PSEN2: variants seen among roughly 807,000 people sequenced by gnomAD.
The protein encoded by PSEN2 is presenilin 2, also known as presenilin-2.
Under a neutral mutation model 49.1 loss-of-function variants are expected in PSEN2, and 32 were observed. The ratio of observed to expected loss-of-function variants is 0.65; its 90% CI spans 0.49 to 0.88. The LOEUF is 0.88. Among genes scored for constraint, PSEN2 ranks in the 40% least tolerant of loss-of-function variants. The pLI, the probability that PSEN2 is intolerant of heterozygous loss-of-function variation, is 0.00. For synonymous variants in PSEN2, 255 were observed against 244.0 expected (o/e 1.05, Z -0.42); for missense variants, 522 against 586.9 (o/e 0.89, Z 1.14).
chr1:226,899,143 A>G (rs1051913966), downstream of PSEN2: 9 of 152,040 alleles, frequency 5.9e-5, no homozygotes, highest in African/African-American at 1.5e-4. Flanking sequence ...TATTAAATCT[A>G]TCAGTTTTTT....
At chr1:226,882,969 T>G (rs940529579) in intron 4 of PSEN2, among the ~76,000 whole-genome samples, 12 of 152,146 alleles carry the variant, frequency 7.9e-5, no homozygotes, top group Middle Eastern at 3.2e-3. Flanking sequence ...TTGTTTCATT[T>G]GGCTTTTTCT....
intron 2 of PSEN2, among the ~76,000 whole-genome samples, chr1:226,871,668 A>G (rs1571929561): frequency 6.6e-6 from 1 of 152,202 alleles, no homozygotes; most frequent in Admixed American, 6.5e-5. Flanking sequence ...CTTGATTAGG[A>G]CCGACCCCAG....
rs558125621 is a variant in PSEN2, at chr1:226,882,139, G to T, written c.141+91G>T. The T allele has an allele frequency of 6.6e-6, 10 of 1,518,328 alleles. No individual in the cohort carries two copies. In the African/African-American group the frequency reaches 1.1e-4, roughly 17 times the overall value. 94.1% of individuals were successfully genotyped at this position (1,518,328 alleles called of 1,614,324 possible). On this transcript the variant is annotated intron_variant, in intron 4 of 12. Transcript: ENST00000366783. ...AAACCAGACATTCATTCCCTGATGC[G>T]GGAGGGAGAAGGGAAGTAATGATGA...
At chr1:226,896,285 A>G (rs1211662404), downstream of PSEN2, among the ~76,000 whole-genome samples, 2 of 152,230 alleles carry the variant, frequency 1.3e-5, no homozygotes, top group East Asian at 1.9e-4. Context: ...TTAGGAGAGC[A>G]GGGTGGCCTG....
rs1387034807 is a variant in PSEN2 at position 226,895,477 on chromosome 1, C to G, written c.1245C>G (p.Ala415=). ...LLAVFKKALP[A]LPISITFGLI... The stretch of plus-strand genomic sequence containing the variant: ...CTGTGTTCAAGAAGGCGCTGCCCGC[C>G]CTCCCCATCTCCATCACGTTCGGGC... The change falls in exon 13 of 13, where the codon GCC becomes GCG. Residue 415 remains alanine (A), a synonymous_variant. Coordinates refer to ENST00000366783, the MANE Select transcript of PSEN2 (RefSeq NM_000447.3). 4 of 1,613,942 alleles carry G rather than the reference C, an allele frequency of 2.5e-6. No homozygotes were observed. The African/African-American group carries it at 5.3e-5, about 22-fold the overall frequency.
At chr1:226,875,296 GTGAGCAGGGAAGC>G (rs1266944607) in intron 2 of PSEN2, 56 bp from the exon 3 acceptor site, 2 of 152,526 alleles carry the variant, frequency 1.3e-5, no homozygotes, top group African/African-American at 2.4e-5. Flanking sequence ...GGGGAGGAAG[GTGAGCAGGGAAGC>G]TGTGGGCAAT....
intron 3 of PSEN2, among the ~76,000 whole-genome samples, chr1:226,876,292 T>A (rs918269577): frequency 3.9e-5 from 6 of 152,204 alleles, no homozygotes; most frequent in Admixed American, 1.3e-4. Flanking sequence ...ATTCAGAGGG[T>A]AGCAGAAGTC....
downstream of PSEN2, chr1:226,899,195 C>T (rs1438832738): frequency 6.6e-6 from 1 of 152,126 alleles, no homozygotes. Flanking sequence ...TTAAGAGATC[C>T]TTCCCTACCC....
chr1:226,891,686 C>G (rs1481272209), intron 10 of PSEN2, 57 bp from the exon 11 acceptor site: 22 of 1,444,664 alleles, frequency 1.5e-5, no homozygotes, highest in Non-Finnish European at 1.2e-5. Flanking sequence ...TTGTTTCTCT[C>G]TCTTGTTGTC....
chr1:226,874,001 G>T (rs953499216), intron 2 of PSEN2, among the ~76,000 whole-genome samples: 51 of 152,098 alleles, frequency 3.4e-4, no homozygotes, highest in Non-Finnish European at 7.4e-5. Flanking sequence ...CCCATATGTG[G>T]GCACTCCCCA....
Position 226,880,638 on chromosome 1 carries a change from C to T in PSEN2, c.-20-1250C>T, listed in dbSNP as rs201378322. 170 of 1,535,382 alleles carry T rather than the reference C, an allele frequency of 1.1e-4. 1 individual carries two copies. Among genetic ancestry groups the T allele is most frequent in the Admixed American group, 3.1e-4 (17 of 54,406 alleles). Reference sequence around the variant, plus strand: ...ACAGCGATAACTCAGCCTCTGTCCCCGTCTGAGATGTTGGCAGGGACTGTC... The same window carrying T: ...ACAGCGATAACTCAGCCTCTGTCCCTGTCTGAGATGTTGGCAGGGACTGTC... On this transcript the variant is annotated intron_variant, in intron 3 of 12. Transcript: ENST00000366783.
rs776874000 is a variant in PSEN2, at chr1:226,891,814, C to G, written c.1042C>G (p.Pro348Ala). 12 of 1,614,128 alleles carry G rather than the reference C, an allele frequency of 7.4e-6. 1 individual carries two copies. In the East Asian group the frequency reaches 2.2e-4, roughly 30 times the overall value. The stretch of plus-strand genomic sequence containing the variant: ...CTTTGAGCCTCCCTTGACTGGCTAC[C>G]CAGGGGAGGAGCTGGAGGAAGAGGA... ...EVFEPPLTGY[P>A]GEELEEEEER... Residue 348 changes from proline (P) to alanine (A), a missense_variant, in exon 11 of 13, where the codon CCA becomes GCA. Physicochemically the swap from Pro to Ala is conservative, Grantham distance 27 (BLOSUM62 -1). Coordinates refer to ENST00000366783, the MANE Select transcript of PSEN2 (RefSeq NM_000447.3).
chr1:226,894,829 A>G (rs1200321493), intron 12 of PSEN2, among the ~76,000 whole-genome samples: 1 of 152,192 alleles, frequency 6.6e-6, no homozygotes, highest in African/African-American at 2.4e-5. Context: ...GCCCACAAGT[A>G]TATCAGGGAT....
chr1:226,889,101 A>C, intron 8 of PSEN2, 52 bp downstream of exon 8: 2 of 1,517,974 alleles, frequency 1.3e-6, no homozygotes, highest in Non-Finnish European at 1.8e-6. Flanking sequence ...TCCAGGGCCA[A>C]ATCGTCCCCA....
intron 4 of PSEN2, among the ~76,000 whole-genome samples, chr1:226,882,510 C>T (rs1398932453): frequency 1.3e-5 from 2 of 152,110 alleles, no homozygotes; most frequent in Non-Finnish European, 2.9e-5. Context: ...ATCATTCAGC[C>T]CCCAGGGGAG....
Position 226,871,987 on chromosome 1 carries a change from G to A in PSEN2, c.-207+583G>A, listed in dbSNP as rs371124752. Among the ~76,000 whole-genome samples the A allele has an allele frequency of 4.5e-4, 68 of 152,380 alleles. 1 individual carries two copies. The South Asian group carries it at 0.013, about 30-fold the overall frequency. On this transcript the variant is annotated intron_variant, in intron 2 of 12. Transcript: ENST00000366783. Reference sequence around the variant, plus strand: ...CATGTTGCTTTGAAGTGGGATGGATGTATCAGGTTTTTGGGGAAAACTCTG... The same window carrying A: ...CATGTTGCTTTGAAGTGGGATGGATATATCAGGTTTTTGGGGAAAACTCTG...
intron 8 of PSEN2, 143 bp downstream of exon 8, chr1:226,889,192 C>A: frequency 1.3e-6 from 1 of 743,426 alleles, no homozygotes; most frequent in Non-Finnish European, 2.2e-6. Context: ...CTGAGAGAGT[C>A]GCCTTTGTAA....
At chr1:226,887,800 A>T (rs1459216017) in intron 6 of PSEN2, among the ~76,000 whole-genome samples, 2 of 152,120 alleles carry the variant, frequency 1.3e-5, no homozygotes, top group Non-Finnish European at 2.9e-5. Context: ...AGTAGGAGAC[A>T]CCCAGCATTA....
chr1:226,873,715 T>C (rs1368907823), intron 2 of PSEN2, among the ~76,000 whole-genome samples: 2 of 152,210 alleles, frequency 1.3e-5, no homozygotes, highest in Non-Finnish European at 2.9e-5. Flanking sequence ...TGCGCTGGGC[T>C]GAGATAACCA....
Sources: gnomAD v4.1 joint callset for allele counts (sites outside exome capture counted in the v4.1 genomes callset) on GRCh38, gnomAD v4.1.1 for gene constraint, MANE v1.5 for transcripts, NCBI Gene and HGNC (gene_info 2026-07-23, HGNC 2026-07-21) for gene names.